The following OPCML variants were observed in gnomAD, a reference collection of about 807,000 sequenced individuals.
The protein encoded by OPCML is opioid-binding protein/cell adhesion molecule.
A neutral mutation model predicts 37.8 loss-of-function variants in OPCML; 13 were observed. That is an observed-to-expected ratio of 0.34 (90% CI 0.22 to 0.55). OPCML has a LOEUF of 0.55. Ranked by LOEUF, OPCML falls within the 20% of genes least tolerant of loss-of-function variation. The pLI is 0.91. For synonymous variants in OPCML, 176 were observed against 168.8 expected, an observed-to-expected ratio of 1.04 and a Z score of -0.33; for missense variants, 341 against 435.6, an observed-to-expected ratio of 0.78 and a Z score of 1.93.
At chr11:133,044,167 G>C (rs1470098228) in intron 1 of OPCML, among the ~76,000 whole-genome samples, 4 of 152,302 alleles carry the variant, frequency 2.6e-5, no homozygotes, top group African/African-American at 4.8e-5. Flanking sequence ...AAGGGTGTGT[G>C]CATGTGCTTG....
chr11:132,496,263 G>A (rs75766645), intron 4 of OPCML, among the ~76,000 whole-genome samples: 2,274 of 152,282 alleles, frequency 0.015, 52 homozygotes, highest in African/African-American at 0.051. Context: ...AAGAGTAAAA[G>A]TGCTATATGT....
At chr11:133,491,155 A>T (rs535887526) in intron 1 of OPCML, among the ~76,000 whole-genome samples, 1 of 152,312 alleles carries the variant, frequency 6.6e-6, no homozygotes, top group East Asian at 1.9e-4. Flanking sequence ...GTGTCGGATG[A>T]TGCCCAGGTC....
intron 1 of OPCML, among the ~76,000 whole-genome samples, chr11:133,454,974 C>A (rs1946647224): frequency 1.3e-5 from 2 of 152,168 alleles, no homozygotes; most frequent in South Asian, 4.1e-4. Flanking sequence ...GTGGGATTCA[C>A]CTTTTTTTTC....
chr11:133,093,287 C>CT (rs199715232), intron 1 of OPCML, among the ~76,000 whole-genome samples: 8 of 148,780 alleles, frequency 5.4e-5, no homozygotes, highest in South Asian at 2.2e-4. Flanking sequence ...CATTTTCATT[C>CT]TTTTTTTTAA....
At chr11:133,471,004 C>T (rs1264078277) in intron 1 of OPCML, among the ~76,000 whole-genome samples, 1 of 152,186 alleles carries the variant, frequency 6.6e-6, no homozygotes, top group Non-Finnish European at 1.5e-5. Flanking sequence ...AAGGAAAAGG[C>T]TTCTGTTAGA....
chr11:133,002,069 T>G (rs1382404994), intron 1 of OPCML, among the ~76,000 whole-genome samples: 2 of 152,186 alleles, frequency 1.3e-5, no homozygotes, highest in East Asian at 3.8e-4. Context: ...ATGGTTAGAC[T>G]GGGATTGACT....
chr11:133,283,466 C>T (rs1021839841), intron 1 of OPCML, among the ~76,000 whole-genome samples: 1 of 151,802 alleles, frequency 6.6e-6, no homozygotes, highest in Non-Finnish European at 1.5e-5. Context: ...CTTCCTGAGG[C>T]CCTTACCAGA....
chr11:132,635,973 C>T (rs140585491), intron 3 of OPCML, among the ~76,000 whole-genome samples: 2 of 152,042 alleles, frequency 1.3e-5, no homozygotes, highest in Non-Finnish European at 2.9e-5. Flanking sequence ...TACTCCCCCC[C>T]GGATACAAGA....
intron 2 of OPCML, among the ~76,000 whole-genome samples, chr11:132,752,818 C>A (rs1475968664): frequency 2.6e-5 from 4 of 152,020 alleles, no homozygotes; most frequent in African/African-American, 4.8e-5. Flanking sequence ...AAAGACAGGC[C>A]TCCTTCCTGA....
At chr11:132,713,892 C>T (rs1944365724) in intron 2 of OPCML, among the ~76,000 whole-genome samples, 1 of 152,198 alleles carries the variant, frequency 6.6e-6, no homozygotes, top group Admixed American at 6.5e-5. Flanking sequence ...AAATGATCCC[C>T]TTTCCTATTT....
At chr11:133,203,598 A>G (rs1938896527) in intron 1 of OPCML, among the ~76,000 whole-genome samples, 1 of 152,208 alleles carries the variant, frequency 6.6e-6, no homozygotes, top group East Asian at 1.9e-4. Flanking sequence ...ATAAATTACT[A>G]AGAAGGGTAA....
At chr11:132,992,979 G>A (rs1946809271) in intron 1 of OPCML, among the ~76,000 whole-genome samples, 1 of 152,134 alleles carries the variant, frequency 6.6e-6, no homozygotes, top group Non-Finnish European at 1.5e-5. Context: ...GTGTATGGGA[G>A]GAGGGCTAGG....
chr11:133,208,028 T>C lies in OPCML; in HGVS notation c.62-265018A>G, dbSNP rs968650152. 6.6e-6 allele frequency among the ~76,000 whole-genome samples: 1 copy of C among 152,202 alleles called. No individual in the cohort carries two copies. The highest frequency in any genetic ancestry group is 2.1e-4 in the South Asian group (1 of 4,834). On this transcript the variant is annotated intron_variant, in intron 1 of 7. Transcript: ENST00000524381. The surrounding 1 kb of genome is among the most constrained non-coding windows in gnomAD (Gnocchi z 8.9). Reference sequence around the variant, plus strand: ...TGTAATTAAGAACTCAAACTGCATTTAACCACCCTAGGCAAGGTTAAGAGC... The same window carrying C: ...TGTAATTAAGAACTCAAACTGCATTCAACCACCCTAGGCAAGGTTAAGAGC...
At chr11:133,028,720 T>C (rs916278069) in intron 1 of OPCML, among the ~76,000 whole-genome samples, 3 of 152,088 alleles carry the variant, frequency 2.0e-5, no homozygotes, top group African/African-American at 7.2e-5. Context: ...TAAGATGGAT[T>C]AAAGACTTAA....
intron 2 of OPCML, among the ~76,000 whole-genome samples, chr11:132,699,995 T>C (rs1036120050): frequency 1.2e-4 from 16 of 128,238 alleles, no homozygotes; most frequent in African/African-American, 4.9e-4. Context: ...TTGGGAGTTA[T>C]TTAATTTCTG....
At chr11:132,738,069 A>T (rs1218901491) in intron 2 of OPCML, among the ~76,000 whole-genome samples, 1 of 152,192 alleles carries the variant, frequency 6.6e-6, no homozygotes, top group Non-Finnish European at 1.5e-5. Context: ...TCTGCTCTGG[A>T]CAAAGCTAAG....
Position 133,089,564 on chromosome 11 carries a change from C to T in OPCML, c.62-146554G>A, listed in dbSNP as rs192866184. ...AAAACAAAAGGCTTCTGACAAGGTC[C>T]CCACTCTCTAAGGGCACATAATTTA... On this transcript the variant is annotated intron_variant, in intron 1 of 7. Coordinates refer to ENST00000524381, the MANE Select transcript of OPCML (RefSeq NM_001012393.5). 3.5e-3 allele frequency among the ~76,000 whole-genome samples: 526 copies of T among 152,226 alleles called. 9 individuals carry two copies. The highest frequency in any genetic ancestry group is 8.6e-3 in the African/African-American group (356 of 41,544).
intron 2 of OPCML, among the ~76,000 whole-genome samples, chr11:132,806,984 AGTAAT>A (rs1157763981): frequency 1.3e-5 from 2 of 152,228 alleles, no homozygotes; most frequent in Non-Finnish European, 2.9e-5. Flanking sequence ...AAAATGGAAT[AGTAAT>A]GAAATATATC....
At chr11:132,583,109 C>T (rs753284048) in intron 3 of OPCML, among the ~76,000 whole-genome samples, 5 of 151,894 alleles carry the variant, frequency 3.3e-5, no homozygotes, top group Non-Finnish European at 7.4e-5. Context: ...GGCTGGAGTG[C>T]AGTGACAGGA....
Sources: gnomAD v4.1 joint callset for allele counts (sites outside exome capture counted in the v4.1 genomes callset) on GRCh38, gnomAD v4.1.1 for gene constraint, Gnocchi (gnomAD v3.1) non-coding constraint, MANE v1.5 for transcripts, NCBI Gene and HGNC (gene_info 2026-07-23, HGNC 2026-07-21) for gene names.